SNAP91: variants seen among roughly 807,000 people sequenced by gnomAD.
SNAP91 encodes synaptosome associated protein 91.
Under a neutral mutation model 100.3 loss-of-function variants are expected in SNAP91, and 27 were observed. The observed-to-expected ratio is 0.27, with a 90% confidence interval of 0.20 to 0.37. SNAP91 has a LOEUF of 0.37. SNAP91 is among the 10% of genes least tolerant of loss of function. The pLI, the probability that SNAP91 is intolerant of heterozygous loss-of-function variation, is 1.00. For missense variants in SNAP91, 986 were observed against 1,123.7 expected, an observed-to-expected ratio of 0.88 and a Z score of 1.75; for synonymous variants, 404 against 398.6, an observed-to-expected ratio of 1.01 and a Z score of -0.16.
At chr6:83,649,999 T>C (rs972743012) in intron 7 of SNAP91, among the ~76,000 whole-genome samples, 2 of 152,176 alleles carry the variant, frequency 1.3e-5, no homozygotes, top group Non-Finnish European at 2.9e-5. Flanking sequence ...TATCCAGTTG[T>C]TCTACTATAA....
chr6:83,668,304 A>G (rs2098723047), intron 2 of SNAP91, among the ~76,000 whole-genome samples: 1 of 152,168 alleles, frequency 6.6e-6, no homozygotes, highest in African/African-American at 2.4e-5. Flanking sequence ...CAGAAATACC[A>G]TTTGACCCAG....
chr6:83,675,013 A>G (rs988296575), intron 2 of SNAP91, among the ~76,000 whole-genome samples: 1 of 152,184 alleles, frequency 6.6e-6, no homozygotes, highest in African/African-American at 2.4e-5. Flanking sequence ...GAAACGACCT[A>G]CTGACGGTTT....
At chr6:83,618,374 G>GT (rs1329117354) in intron 9 of SNAP91, among the ~76,000 whole-genome samples, 1 of 148,400 alleles carries the variant, frequency 6.7e-6, no homozygotes, top group Non-Finnish European at 1.5e-5. Context: ...GAACTATAGA[G>GT]TTAAAAAAAA....
intron 12 of SNAP91, among the ~76,000 whole-genome samples, chr6:83,609,252 G>A (rs114173610): frequency 0.01 from 1,551 of 150,398 alleles, 20 homozygotes; most frequent in African/African-American, 0.036. Flanking sequence ...CAATTTGGCC[G>A]AAAAAGAAAA....
Position 83,686,341 on chromosome 6 carries a change from T to C in SNAP91, c.131-20760A>G, listed in dbSNP as rs181351019. The C allele has an allele frequency of 8.0e-4, 182 of 227,306 alleles. 1 individual carries two copies. In the Middle Eastern group the frequency reaches 9.5e-3, roughly 12 times the overall value. The allele number at this position is 227,306 out of a possible 1,614,324, so 14.1% of individuals were successfully genotyped here. A position where few individuals can be genotyped will look rare whatever the true frequency, so the allele number is the denominator to read the frequency against. On this transcript the variant is annotated intron_variant, in intron 2 of 29. Coordinates refer to ENST00000369694, the MANE Select transcript of SNAP91 (RefSeq NM_001242792.2). ...TAAGCTGATAATATTTATATAACTCTCAATAAAATTCACTACTTAGTTTTT... is the reference window on the plus strand; with the variant it reads ...TAAGCTGATAATATTTATATAACTCCCAATAAAATTCACTACTTAGTTTTT...
At chr6:83,653,231 T>C (rs577881404) in intron 7 of SNAP91, among the ~76,000 whole-genome samples, 7 of 152,306 alleles carry the variant, frequency 4.6e-5, no homozygotes, top group African/African-American at 1.7e-4. Flanking sequence ...ACACCTTTTG[T>C]TGCTGTCCCA....
chr6:83,592,497 G>C lies in SNAP91; in HGVS notation c.1888C>G (p.Pro630Ala). 6.2e-7 allele frequency: 1 copy of C among 1,611,594 alleles called. No individual in the cohort carries two copies. The highest frequency in any genetic ancestry group is 8.5e-7 in the Non-Finnish European group (1 of 1,178,844). Residue 630 changes from proline to alanine, a missense_variant, in exon 21 of 30, where the codon CCA becomes GCA. Pro to Ala is a conservative substitution (Grantham distance 27, BLOSUM62 -1). Transcript: ENST00000369694. The stretch of plus-strand genomic sequence containing the variant: ...ACACCTGAAGAATCCACCTTTGCTG[G>C]CGAGGCAGTGGTTGCAGGAGATGGT... ...AAPSPATTASPAKVDSSGVID... is the reference protein window; with the variant it reads ...AAPSPATTASAAKVDSSGVID...
At chr6:83,695,089 T>C (rs1018288863) in intron 2 of SNAP91, among the ~76,000 whole-genome samples, 1 of 151,742 alleles carries the variant, frequency 6.6e-6, no homozygotes, top group Non-Finnish European at 1.5e-5. Context: ...CTGACCAACA[T>C]GGTGAAACCC....
intron 7 of SNAP91, among the ~76,000 whole-genome samples, chr6:83,646,014 A>G (rs1020506782): frequency 1.3e-5 from 2 of 152,202 alleles, no homozygotes; most frequent in South Asian, 2.1e-4. Flanking sequence ...GCACGGAATA[A>G]TATCTGCATA....
intron 8 of SNAP91, among the ~76,000 whole-genome samples, chr6:83,625,482 C>A: frequency 6.6e-6 from 1 of 152,062 alleles, no homozygotes; most frequent in East Asian, 1.9e-4. Context: ...TCCACAGTGG[C>A]TGAACTACAT....
intron 26 of SNAP91, among the ~76,000 whole-genome samples, chr6:83,562,738 T>C (rs968770908): frequency 6.6e-6 from 1 of 152,204 alleles, no homozygotes; most frequent in Non-Finnish European, 1.5e-5. Flanking sequence ...TCTGCCTGCT[T>C]GCTGTAAACC....
intron 8 of SNAP91, among the ~76,000 whole-genome samples, chr6:83,627,347 G>A (rs909257936): frequency 6.6e-6 from 1 of 152,000 alleles, no homozygotes; most frequent in Non-Finnish European, 1.5e-5. Flanking sequence ...TTTAGTATCA[G>A]GATGACACTG....
chr6:83,612,747 T>G lies in SNAP91; in HGVS notation c.885-2070A>C, dbSNP rs140096295. Among the ~76,000 whole-genome samples, 139 of 151,696 alleles carry G rather than the reference T, an allele frequency of 9.2e-4. 1 individual carries two copies. The East Asian group carries it at 0.024, about 26-fold the overall frequency. ...AAAAAAATAAAAAATAAAAATTAGCTGGGTGTGGTGGCACGCGCCTGTAAT... is the reference window on the plus strand; with the variant it reads ...AAAAAAATAAAAAATAAAAATTAGCGGGGTGTGGTGGCACGCGCCTGTAAT... On this transcript the variant is annotated intron_variant, in intron 11 of 29. Coordinates refer to ENST00000369694, the MANE Select transcript of SNAP91 (RefSeq NM_001242792.2).
intron 2 of SNAP91, among the ~76,000 whole-genome samples, chr6:83,684,852 A>C (rs1469614864): frequency 6.6e-6 from 1 of 152,010 alleles, no homozygotes; most frequent in Non-Finnish European, 1.5e-5. Context: ...TGCTGCAATG[A>C]CTCCACTTTT....
At chr6:83,678,133 A>G (rs997510817) in intron 2 of SNAP91, among the ~76,000 whole-genome samples, 2 of 152,204 alleles carry the variant, frequency 1.3e-5, no homozygotes, top group African/African-American at 4.8e-5. Context: ...TATTTACATG[A>G]CAGCCTTGAG....
chr6:83,691,742 C>T (rs1175677830), intron 2 of SNAP91, among the ~76,000 whole-genome samples: 1 of 151,996 alleles, frequency 6.6e-6, no homozygotes, highest in Non-Finnish European at 1.5e-5. Flanking sequence ...CAATGGACAA[C>T]CACCATTATT....
chr6:83,557,732 G>T (rs1583684545), intron 28 of SNAP91, among the ~76,000 whole-genome samples: 1 of 152,004 alleles, frequency 6.6e-6, no homozygotes, highest in Non-Finnish European at 1.5e-5. Context: ...CTGTTTCATA[G>T]AGAGAGATAT....
intron 29 of SNAP91, among the ~76,000 whole-genome samples, chr6:83,554,645 G>C (rs1487992075): frequency 1.3e-5 from 2 of 152,140 alleles, no homozygotes; most frequent in Non-Finnish European, 2.9e-5. Context: ...TAAAGAAAAA[G>C]GGGGCATGGC....
At chr6:83,639,893 A>G (rs2097611217) in intron 8 of SNAP91, among the ~76,000 whole-genome samples, 1 of 152,148 alleles carries the variant, frequency 6.6e-6, no homozygotes, top group Admixed American at 6.5e-5. Flanking sequence ...TAGGCTGATA[A>G]TTACGGTTAA....
Sources: gnomAD v4.1 joint callset for allele counts (sites outside exome capture counted in the v4.1 genomes callset) on GRCh38, gnomAD v4.1.1 for gene constraint, MANE v1.5 for transcripts, NCBI Gene and HGNC (gene_info 2026-07-23, HGNC 2026-07-21) for gene names.